MTHFD1L: variants seen among roughly 807,000 people sequenced by gnomAD.
MTHFD1L encodes methylenetetrahydrofolate dehydrogenase (NADP+ dependent) 1 like, also known as monofunctional C1-tetrahydrofolate synthase, mitochondrial.
A neutral mutation model predicts 119.5 loss-of-function variants in MTHFD1L; 81 were observed. That is an observed-to-expected ratio of 0.68 (90% confidence interval 0.57 to 0.82). The LOEUF (loss-of-function observed/expected upper bound fraction) is 0.82, where lower values mean the gene tolerates loss of function less well. Among genes scored for constraint, MTHFD1L ranks in the 40% least tolerant of loss-of-function variants. MTHFD1L has a pLI of 0.00. For missense variants in MTHFD1L, 1,125 were observed against 1,253.4 expected (o/e 0.90, Z 1.55); for synonymous variants, 430 against 475.2 (o/e 0.90, Z 1.24).
intron 26 of MTHFD1L, among the ~76,000 whole-genome samples, chr6:151,040,780 T>C (rs570051783): frequency 4.6e-5 from 7 of 152,314 alleles, no homozygotes; most frequent in Admixed American, 1.3e-4. Context: ...AAATATACAA[T>C]GTGAATCTCC....
At chr6:151,001,780 T>C (rs968395955) in intron 20 of MTHFD1L, among the ~76,000 whole-genome samples, 3 of 152,172 alleles carry the variant, frequency 2.0e-5, no homozygotes, top group Admixed American at 6.5e-5. Context: ...ATCCTCTCTC[T>C]GAAGTGTTTC....
chr6:150,893,965 C>T (rs538941296), intron 7 of MTHFD1L, among the ~76,000 whole-genome samples: 29 of 152,222 alleles, frequency 1.9e-4, no homozygotes, highest in Admixed American at 7.2e-4. Context: ...TAATGTGGGC[C>T]GGGTGCAGTG....
At chr6:150,899,032 A>T (rs911013712) in intron 7 of MTHFD1L, 32 of 996,006 alleles carry the variant, frequency 3.2e-5, no homozygotes, top group Non-Finnish European at 2.4e-6. Context: ...ATCATCTGTC[A>T]TGACTTTTTT....
chr6:150,943,148 G>C (rs550808165), intron 13 of MTHFD1L, among the ~76,000 whole-genome samples: 1 of 152,110 alleles, frequency 6.6e-6, no homozygotes, highest in Non-Finnish European at 1.5e-5. Context: ...AGGTGTGGTG[G>C]CAGGCGCCTA....
chr6:151,071,391 C>A (rs1334318975), intron 26 of MTHFD1L, among the ~76,000 whole-genome samples: 1 of 152,114 alleles, frequency 6.6e-6, no homozygotes, highest in Non-Finnish European at 1.5e-5. Flanking sequence ...GGCTTGATTT[C>A]TGTGAGAAAA....
intron 8 of MTHFD1L, among the ~76,000 whole-genome samples, chr6:150,911,031 C>T (rs1253612316): frequency 6.6e-6 from 1 of 152,106 alleles, no homozygotes. Context: ...GTACCTATCA[C>T]TGTTTTCTTT....
chr6:150,992,242 T>C (rs1418088444), intron 20 of MTHFD1L, among the ~76,000 whole-genome samples: 2 of 152,220 alleles, frequency 1.3e-5, no homozygotes, highest in Non-Finnish European at 2.9e-5. Context: ...CTTCTGGGTA[T>C]GTCCACACTG....
At chr6:151,062,656 T>C (rs1383538531) in intron 26 of MTHFD1L, among the ~76,000 whole-genome samples, 1 of 152,124 alleles carries the variant, frequency 6.6e-6, no homozygotes, top group Non-Finnish European at 1.5e-5. Context: ...CCTTTGGATA[T>C]GGGAAATGAA....
chr6:150,980,591 C>T (rs1777320845), intron 20 of MTHFD1L, among the ~76,000 whole-genome samples: 1 of 150,942 alleles, frequency 6.6e-6, no homozygotes, highest in Non-Finnish European at 1.5e-5. Flanking sequence ...TAAAGAGATA[C>T]GTTTAGCTGG....
chr6:150,972,364 A>G (rs899139495), intron 20 of MTHFD1L, among the ~76,000 whole-genome samples: 3 of 152,232 alleles, frequency 2.0e-5, no homozygotes, highest in African/African-American at 7.2e-5. Context: ...TGTGTGTAAA[A>G]TAGTGATAAC....
intron 16 of MTHFD1L, among the ~76,000 whole-genome samples, chr6:150,955,559 G>C (rs1340516344): frequency 6.8e-6 from 1 of 146,928 alleles, no homozygotes; most frequent in Non-Finnish European, 1.5e-5. Context: ...GAGTGCAGTG[G>C]TGCAATCTCA....
chr6:151,063,220 A>G (rs915131974), intron 26 of MTHFD1L, among the ~76,000 whole-genome samples: 9 of 152,300 alleles, frequency 5.9e-5, no homozygotes, highest in Admixed American at 2.6e-4. Flanking sequence ...CATCCTACCC[A>G]TAATAATATT....
At chr6:151,069,228 G>T (rs73782707) in intron 26 of MTHFD1L, among the ~76,000 whole-genome samples, 2 of 146,094 alleles carry the variant, frequency 1.4e-5, no homozygotes, top group East Asian at 4.1e-4. Flanking sequence ...CAGTCATAAG[G>T]CCCAAAACTA....
At chr6:150,912,302 T>G (rs1252629680) in intron 8 of MTHFD1L, among the ~76,000 whole-genome samples, 8 of 67,824 alleles carry the variant, frequency 1.2e-4, no homozygotes, top group East Asian at 3.1e-4. Flanking sequence ...AGTGTTTTTG[T>G]TTTTTTTTTT....
At chr6:150,914,634 G>C (rs1454905949) in intron 8 of MTHFD1L, among the ~76,000 whole-genome samples, 1 of 152,212 alleles carries the variant, frequency 6.6e-6, no homozygotes, top group East Asian at 1.9e-4. Flanking sequence ...CTCCAGCCTG[G>C]GCAACAGAGC....
chr6:151,091,820 G>A (rs558904090), intron 26 of MTHFD1L, among the ~76,000 whole-genome samples: 1 of 152,248 alleles, frequency 6.6e-6, no homozygotes, highest in South Asian at 2.1e-4. Context: ...CTTTTTACTA[G>A]TGTGACCTGG....
At chr6:150,965,068 T>C (rs1194714218) in intron 19 of MTHFD1L, 31 bp downstream of exon 19, 1 of 1,593,862 alleles carries the variant, frequency 6.3e-7, no homozygotes, top group Admixed American at 1.7e-5. Context: ...AGTAATTGTT[T>C]GCATTAACTG....
chr6:150,917,939 G>A (rs544242533), intron 8 of MTHFD1L, among the ~76,000 whole-genome samples: 2 of 152,238 alleles, frequency 1.3e-5, no homozygotes, highest in Non-Finnish European at 2.9e-5. Context: ...ACTTGGGCTC[G>A]TGTGAAGAGA....
intron 23 of MTHFD1L, among the ~76,000 whole-genome samples, chr6:151,015,228 T>TA (rs976271984): frequency 6.0e-5 from 8 of 132,622 alleles, no homozygotes; most frequent in African/African-American, 2.0e-4. Flanking sequence ...TTTTTTTTTT[T>TA]AATTCTACCC....
Sources: allele counts gnomAD v4.1 joint callset (sites outside exome capture counted in the v4.1 genomes callset), GRCh38; gene constraint gnomAD v4.1.1; transcripts MANE v1.5; gene names NCBI Gene and HGNC (gene_info 2026-07-23, HGNC 2026-07-21).